Variants in PEBP4 observed in about 807,000 individuals in gnomAD.
The protein encoded by PEBP4 is phosphatidylethanolamine-binding protein 4.
PEBP4 carries 22 observed loss-of-function variants against 23.9 expected under a neutral mutation model. The ratio of observed to expected loss-of-function variants is 0.92; its 90% CI spans 0.66 to 1.31. The LOEUF is 1.31. PEBP4 is among the 40% of genes most tolerant of loss of function. The pLI is 0.00. For synonymous variants in PEBP4, 112 were observed against 99.3 expected, an observed-to-expected ratio of 1.13 and a Z score of -0.76; for missense variants, 324 against 281.7, an observed-to-expected ratio of 1.15 and a Z score of -1.07.
chr8:22,842,659 G>A (rs1222722012), intron 3 of PEBP4, among the ~76,000 whole-genome samples: 1 of 152,116 alleles, frequency 6.6e-6, no homozygotes, highest in Non-Finnish European at 1.5e-5. Context: ...ACAGCCATAG[G>A]AAGGGTGTGC....
chr8:22,875,028 T>G (rs1808091071), intron 3 of PEBP4, among the ~76,000 whole-genome samples: 2 of 152,178 alleles, frequency 1.3e-5, no homozygotes, highest in African/African-American at 4.8e-5. Context: ...GTGGGGTCTG[T>G]GACTTCTTCT....
chr8:22,924,328 C>T (rs1450001273), intron 2 of PEBP4, among the ~76,000 whole-genome samples: 2 of 152,312 alleles, frequency 1.3e-5, no homozygotes, highest in South Asian at 2.1e-4. Context: ...CAGGCCACTG[C>T]ACTCCAGCCT....
At chr8:22,869,439 G>C (rs765204446) in intron 3 of PEBP4, among the ~76,000 whole-genome samples, 1 of 152,212 alleles carries the variant, frequency 6.6e-6, no homozygotes, top group Non-Finnish European at 1.5e-5. Flanking sequence ...TTAGTGCCGG[G>C]CACAGTGCAA....
chr8:22,821,680 G>A (rs1383939479), intron 3 of PEBP4, among the ~76,000 whole-genome samples: 1 of 151,970 alleles, frequency 6.6e-6, no homozygotes, highest in Non-Finnish European at 1.5e-5. Flanking sequence ...AGCGGGACAA[G>A]GAAGGGAGAA....
intron 4 of PEBP4, among the ~76,000 whole-genome samples, chr8:22,790,386 A>G (rs1806115191): frequency 6.6e-6 from 1 of 152,194 alleles, no homozygotes; most frequent in African/African-American, 2.4e-5. Context: ...AGGGATGACG[A>G]GGGCCCTGAT....
rs1809141846 is a variant in PEBP4 at position 22,918,986 on chromosome 8, GGTGTTTGTCGTGT to G, written c.258+1185_258+1197del. Among the ~76,000 whole-genome samples, 3 of 152,168 alleles carry G rather than the reference GGTGTTTGTCGTGT, an allele frequency of 2.0e-5. No individual in the cohort carries two copies. In the South Asian group the frequency reaches 6.2e-4, roughly 32 times the overall value. ...TATTGCTCGTCTTCCCAAAGGAAAGGGTGTTTGTCGTGTTTGCAAACAAGACAACCTAGCAAAG... is the reference window on the plus strand; with the variant it reads ...TATTGCTCGTCTTCCCAAAGGAAAGGTTGCAAACAAGACAACCTAGCAAAG... On this transcript the variant is annotated intron_variant, in intron 3 of 6. Coordinates refer to ENST00000256404, the MANE Select transcript of PEBP4 (RefSeq NM_144962.3).
intron 4 of PEBP4, among the ~76,000 whole-genome samples, chr8:22,787,586 C>T (rs1479209663): frequency 6.6e-6 from 1 of 152,204 alleles, no homozygotes; most frequent in Non-Finnish European, 1.5e-5. Context: ...TCCTCTAAGG[C>T]TAATACTTGC....
intron 3 of PEBP4, among the ~76,000 whole-genome samples, chr8:22,888,708 C>T (rs1352759872): frequency 1.3e-5 from 2 of 152,244 alleles, no homozygotes; most frequent in African/African-American, 4.8e-5. Flanking sequence ...ACCTGCAATG[C>T]CTCACTTCTG....
At chr8:22,844,648 C>T (rs1807391209) in intron 3 of PEBP4, among the ~76,000 whole-genome samples, 1 of 152,280 alleles carries the variant, frequency 6.6e-6, no homozygotes, top group Admixed American at 6.5e-5. Flanking sequence ...TTGTTCTGTT[C>T]AGAAAGTTGG....
intron 3 of PEBP4, among the ~76,000 whole-genome samples, chr8:22,882,296 G>A (rs1808275620): frequency 6.6e-6 from 1 of 152,216 alleles, no homozygotes; most frequent in Non-Finnish European, 1.5e-5. Flanking sequence ...TCCAACTCTA[G>A]GAAAGTGTGC....
intron 4 of PEBP4, among the ~76,000 whole-genome samples, chr8:22,751,038 C>T (rs558720571): frequency 3.3e-5 from 5 of 152,202 alleles, no homozygotes; most frequent in African/African-American, 4.8e-5. Context: ...TTGAACTTGA[C>T]GCCCACGCAG....
chr8:22,787,039 T>C (rs1387638922), intron 4 of PEBP4, among the ~76,000 whole-genome samples: 3 of 152,148 alleles, frequency 2.0e-5, no homozygotes, highest in Non-Finnish European at 4.4e-5. Context: ...CCCAGGCTGG[T>C]CTGGAACTCC....
At chr8:22,938,180 G>C (rs1026399271) in intron 1 of PEBP4, among the ~76,000 whole-genome samples, 3 of 152,084 alleles carry the variant, frequency 2.0e-5, no homozygotes, top group Non-Finnish European at 4.4e-5. Context: ...CCCAGGAACT[G>C]GTGTTCTCTA....
chr8:22,841,003 C>T (rs749613813), intron 3 of PEBP4, among the ~76,000 whole-genome samples: 34 of 152,234 alleles, frequency 2.2e-4, no homozygotes, highest in Non-Finnish European at 4.4e-4. Context: ...AAAAGATTCT[C>T]GAAGAAATAA....
At chr8:22,776,173 T>A (rs55840138) in intron 4 of PEBP4, among the ~76,000 whole-genome samples, 55,517 of 151,988 alleles carry the variant, frequency 0.37, 12,136 homozygotes, top group Non-Finnish European at 0.48. Flanking sequence ...AATCCTGAAA[T>A]GCTGACGCCA....
At chr8:22,817,548 T>C (rs2128761837) in intron 4 of PEBP4, 89 bp downstream of exon 4, 3 of 1,267,564 alleles carry the variant, frequency 2.4e-6, no homozygotes, top group Non-Finnish European at 3.4e-6. Context: ...CGCTCCAACC[T>C]TCCTGGATGA....
chr8:22,902,330 A>G (rs1808728641), intron 3 of PEBP4, among the ~76,000 whole-genome samples: 1 of 152,150 alleles, frequency 6.6e-6, no homozygotes, highest in African/African-American at 2.4e-5. Context: ...ACTCCGTCTC[A>G]AAAAAACAAA....
chr8:22,891,749 C>T (rs1206381747), intron 3 of PEBP4, among the ~76,000 whole-genome samples: 2 of 152,190 alleles, frequency 1.3e-5, no homozygotes, highest in East Asian at 3.9e-4. Flanking sequence ...CATCCTCCCA[C>T]CATGGACCAC....
intron 4 of PEBP4, among the ~76,000 whole-genome samples, chr8:22,729,405 T>TC (rs1169086425): frequency 6.6e-6 from 1 of 151,972 alleles, no homozygotes; most frequent in Non-Finnish European, 1.5e-5. Flanking sequence ...TCTTTTCAAT[T>TC]CCCCCCAGGC....
Sources: allele counts gnomAD v4.1 joint callset (sites outside exome capture counted in the v4.1 genomes callset), GRCh38; gene constraint gnomAD v4.1.1; transcripts MANE v1.5; gene names NCBI Gene and HGNC (gene_info 2026-07-23, HGNC 2026-07-21).